The following MYO16 variants were observed in gnomAD, a reference collection of about 807,000 sequenced individuals.
MYO16 encodes myosin XVI.
Under a neutral mutation model 205.3 loss-of-function variants are expected in MYO16, and 94 were observed. That is an observed-to-expected ratio of 0.46 (90% CI 0.39 to 0.54). The LOEUF (loss-of-function observed/expected upper bound fraction) is 0.54. Ranked by LOEUF, MYO16 falls within the 20% of genes least tolerant of loss-of-function variation. The pLI is 0.00. For synonymous variants in MYO16, 988 were observed against 954.0 expected (o/e 1.04, Z -0.66); for missense variants, 2,315 against 2,387.5 (o/e 0.97, Z 0.63).
chr13:108,964,031 A>G (rs1883692914), intron 19 of MYO16, among the ~76,000 whole-genome samples: 1 of 152,144 alleles, frequency 6.6e-6, no homozygotes. Context: ...GAAACACCTC[A>G]ACCCGCATTG....
At chr13:108,902,170 C>T (rs1880744261) in intron 15 of MYO16, among the ~76,000 whole-genome samples, 1 of 152,178 alleles carries the variant, frequency 6.6e-6, no homozygotes, top group Non-Finnish European at 1.5e-5. Context: ...CGAGAAGGAA[C>T]ATCTTCACTC....
chr13:108,703,376 C>A (rs1883382997), intron 2 of MYO16, among the ~76,000 whole-genome samples: 4 of 152,074 alleles, frequency 2.6e-5, no homozygotes. Flanking sequence ...TGAAGTCATA[C>A]AAATTGTAAA....
intron 9 of MYO16, among the ~76,000 whole-genome samples, chr13:108,838,095 G>C (rs9514929): frequency 0.24 from 35,923 of 152,066 alleles, 4,972 homozygotes; most frequent in East Asian, 0.66. Flanking sequence ...AAGCACACAG[G>C]TTCTGGAGCT....
chr13:108,600,988 G>C (rs555611983), intron 1 of MYO16, among the ~76,000 whole-genome samples: 104 of 152,180 alleles, frequency 6.8e-4, no homozygotes, highest in Non-Finnish European at 9.3e-4. Flanking sequence ...TGAAGAGAGA[G>C]AGAAAAAAGT....
chr13:108,758,631 C>T (rs117972726), intron 4 of MYO16, among the ~76,000 whole-genome samples: 4 of 152,122 alleles, frequency 2.6e-5, no homozygotes, highest in African/African-American at 9.7e-5. Context: ...CAGACATGAC[C>T]GTCACACTAG....
At chr13:108,796,889 T>G (rs1257908356) in intron 6 of MYO16, among the ~76,000 whole-genome samples, 3 of 151,468 alleles carry the variant, frequency 2.0e-5, no homozygotes, top group African/African-American at 7.3e-5. Context: ...CTGCACGTTG[T>G]GCACATGTAC....
chr13:108,625,073 A>C (rs1287818847), upstream of MYO16, among the ~76,000 whole-genome samples: 2 of 152,252 alleles, frequency 1.3e-5, no homozygotes, highest in East Asian at 1.9e-4. Flanking sequence ...TGACATGGAG[A>C]GGGCAGTTCC....
intron 1 of MYO16, among the ~76,000 whole-genome samples, chr13:108,652,424 A>G (rs549842933): frequency 1.3e-5 from 2 of 152,352 alleles, no homozygotes; most frequent in South Asian, 4.1e-4. Flanking sequence ...AAGAACACAT[A>G]ACATAAAATG....
At chr13:108,839,664 C>T (rs1169599028) in intron 9 of MYO16, among the ~76,000 whole-genome samples, 8 of 152,204 alleles carry the variant, frequency 5.3e-5, no homozygotes, top group Admixed American at 5.2e-4. Context: ...GCTTTCTCTC[C>T]TGTAACAGCA....
At chr13:109,066,844 A>G (rs1887764114) in intron 27 of MYO16, among the ~76,000 whole-genome samples, 1 of 152,152 alleles carries the variant, frequency 6.6e-6, no homozygotes, top group African/African-American at 2.4e-5. Flanking sequence ...ACTCGCACTC[A>G]GCTTCTTTCT....
At chr13:108,519,645 ACACC>A in the MYO16 span, among the ~76,000 whole-genome samples, 796 of 148,858 alleles carry the variant, frequency 5.3e-3, 2 homozygotes, top group Middle Eastern at 0.014. Flanking sequence ...ACACACACAC[ACACC>A]CACACACACA....
At chr13:108,537,575 A>C in the MYO16 span, among the ~76,000 whole-genome samples, 702 of 152,254 alleles carry the variant, frequency 4.6e-3, 6 homozygotes, top group African/African-American at 0.016. Flanking sequence ...AAATCTCCAT[A>C]CTGTTTTCCA....
At chr13:108,860,165 A>G (rs763475798) in intron 11 of MYO16, among the ~76,000 whole-genome samples, 8 of 146,608 alleles carry the variant, frequency 5.5e-5, no homozygotes, top group Non-Finnish European at 1.0e-4. Flanking sequence ...CCCCCATTCC[A>G]GCCTCCTTGG....
chr13:108,754,721 C>A (rs1354514652), intron 4 of MYO16, among the ~76,000 whole-genome samples: 2 of 152,136 alleles, frequency 1.3e-5, no homozygotes, highest in Non-Finnish European at 2.9e-5. Context: ...AAATAAACTT[C>A]AAAAAATCAA....
At chr13:108,949,575 A>G (rs1187847169) in intron 16 of MYO16, among the ~76,000 whole-genome samples, 1 of 152,204 alleles carries the variant, frequency 6.6e-6, no homozygotes, top group African/African-American at 2.4e-5. Context: ...TGGAAGATTC[A>G]ATATAGTAAA....
At chr13:108,975,190 GTT>G (rs55838053) in intron 20 of MYO16, among the ~76,000 whole-genome samples, 1 of 110,864 alleles carries the variant, frequency 9.0e-6, no homozygotes. Flanking sequence ...TACTGTTTTT[GTT>G]TTTTTTTTTA....
At chr13:108,549,227 G>A in the MYO16 span, among the ~76,000 whole-genome samples, 15 of 152,232 alleles carry the variant, frequency 9.9e-5, no homozygotes, top group African/African-American at 3.6e-4. Flanking sequence ...AGATTATTTT[G>A]GGTCATCTGG....
At chr13:108,657,559 TA>T (rs141414223) in intron 1 of MYO16, among the ~76,000 whole-genome samples, 21,087 of 152,210 alleles carry the variant, frequency 0.14, 1,841 homozygotes, top group Non-Finnish European at 0.2. Context: ...TTTTTAATTG[TA>T]ATGACATTTG....
chr13:109,072,729 C>T lies in MYO16; in HGVS notation c.3335+17134C>T, dbSNP rs117897665. 3.8e-3 allele frequency among the ~76,000 whole-genome samples: 575 copies of T among 152,214 alleles called. 1 individual carries two copies. The highest frequency in any genetic ancestry group is 6.1e-3 in the Admixed American group (93 of 15,276). On this transcript the variant is annotated intron_variant, in intron 27 of 34. Transcript: ENST00000457511. ...CATGGATGGCGGAGTTGGGCCTGTG[C>T]AGTAGGTAAGGTTGTGATAAGACAT...
Sources: gnomAD v4.1 joint callset for allele counts (sites outside exome capture counted in the v4.1 genomes callset) on GRCh38, gnomAD v4.1.1 for gene constraint, MANE v1.5 for transcripts, NCBI Gene and HGNC (gene_info 2026-07-23, HGNC 2026-07-21) for gene names.